CHCHD7: variants seen among roughly 807,000 people sequenced by gnomAD.
CHCHD7 encodes the protein coiled-coil-helix-coiled-coil-helix domain containing 7, also known as coiled-coil-helix-coiled-coil-helix domain-containing protein 7.
CHCHD7 carries 7 observed loss-of-function variants against 10.5 expected under a neutral mutation model. The ratio of observed to expected loss-of-function variants is 0.67; its 90% CI spans 0.38 to 1.25. The LOEUF (loss-of-function observed/expected upper bound fraction) is 1.25, where lower values mean the gene tolerates loss of function less well. CHCHD7 is among the 50% of genes most tolerant of loss of function. The pLI is 0.02. For synonymous variants in CHCHD7, 40 were observed against 36.0 expected, an observed-to-expected ratio of 1.11 and a Z score of -0.40; for missense variants, 100 against 104.5, an observed-to-expected ratio of 0.96 and a Z score of 0.19.
intron 2 of CHCHD7, chr8:56,215,663 G>A (rs940840916): frequency 1.3e-5 from 2 of 152,236 alleles, no homozygotes; most frequent in African/African-American, 2.4e-5. Context: ...TATCTGGCCG[G>A]GTTCCTAACA....
At position 56,214,619 on chromosome 8, in the gene CHCHD7, C is replaced by G; in HGVS notation, c.6C>G (p.Pro2=). M[P]SVTQRLRDPD... ...TCAGTAAGAAGACTGTTAGAATGCC[C>G]TCGGTAACACAGAGGCTGAGAGATC... The change falls in exon 2 of 4, where the codon CCC becomes CCG. Residue 2 remains proline, a synonymous_variant. Coordinates refer to ENST00000355315, the MANE Select transcript of CHCHD7 (RefSeq NM_001011671.3). 1 of 1,612,726 alleles carries G rather than the reference C, an allele frequency of 6.2e-7. No individual in the cohort carries two copies. Among genetic ancestry groups the G allele is most frequent in the Non-Finnish European group, 8.5e-7 (1 of 1,179,032 alleles).
intron 1 of CHCHD7, chr8:56,212,726 C>A: frequency 1.5e-6 from 1 of 667,350 alleles, no homozygotes; most frequent in Non-Finnish European, 2.7e-6. Flanking sequence ...CAGCCCCGCT[C>A]CTCACTGTAA....
chr8:56,216,730 C>T (rs990031002), intron 3 of CHCHD7, 199 bp downstream of exon 3: 18 of 713,482 alleles, frequency 2.5e-5, no homozygotes, highest in Non-Finnish European at 2.0e-5. Flanking sequence ...GTCCTCTAAG[C>T]TATAAGAATG....
rs1284018599 is a variant in CHCHD7, at chr8:56,217,522, C to T, written c.*87C>T. ...GCTGTAATATTTAAGACTGTACACCCCTCACCCAGACAGACCTTAAGTTCT... is the reference window on the plus strand; with the variant it reads ...GCTGTAATATTTAAGACTGTACACCTCTCACCCAGACAGACCTTAAGTTCT... On this transcript the variant is annotated 3_prime_UTR_variant, in exon 4 of 4. Coordinates refer to ENST00000355315, the MANE Select transcript of CHCHD7 (RefSeq NM_001011671.3). The T allele has an allele frequency of 4.9e-6, 4 of 813,324 alleles. No homozygotes were observed. Among genetic ancestry groups the T allele is most frequent in the Non-Finnish European group, 8.0e-6 (4 of 498,506 alleles). The allele number at this position is 813,324 out of a possible 1,614,324, so 50.4% of individuals were successfully genotyped here. A position where few individuals can be genotyped will look rare whatever the true frequency, so the allele number is the denominator to read the frequency against.
intron 1 of CHCHD7, chr8:56,214,047 A>G (rs1209681138): frequency 6.6e-6 from 1 of 152,216 alleles, no homozygotes; most frequent in Non-Finnish European, 1.5e-5. Context: ...AATAAGAGTA[A>G]ACAACAACTG....
chr8:56,212,747 C>T (rs909964536), intron 1 of CHCHD7: 13 of 740,004 alleles, frequency 1.8e-5, no homozygotes, highest in South Asian at 1.6e-5. Flanking sequence ...ATTGACATTT[C>T]CTCTTCAATT....
In CHCHD7 at chr8:56,218,124, G is replaced by A. The variant is rs1006192100; in HGVS notation, c.*689G>A. ...TGTGATTAAAATCCTTAAATATTGG[G>A]TTGCCTTCTGCAGCTGTAGTATCAG... On this transcript the variant is annotated 3_prime_UTR_variant, in exon 4 of 4. Coordinates refer to ENST00000355315, the MANE Select transcript of CHCHD7 (RefSeq NM_001011671.3). 2 of 227,872 alleles carry A rather than the reference G, an allele frequency of 8.8e-6. No individual in the cohort carries two copies. Among genetic ancestry groups the A allele is most frequent in the African/African-American group, 2.2e-5 (1 of 45,038 alleles). 14.1% of individuals were successfully genotyped at this position (227,872 alleles called of 1,614,324 possible). A position where few individuals can be genotyped will look rare whatever the true frequency, so the allele number is the denominator to read the frequency against.
At chr8:56,215,054 G>A in intron 2 of CHCHD7, 1 of 165,208 alleles carries the variant, frequency 6.1e-6, no homozygotes, top group Non-Finnish European at 1.3e-5. Context: ...TGAGAGTAAT[G>A]GGCTGATAAT....
At chr8:56,216,702 CTT>C (rs779999122) in intron 3 of CHCHD7, 171 bp downstream of exon 3, 15 of 758,702 alleles carry the variant, frequency 2.0e-5, no homozygotes, top group Non-Finnish European at 3.2e-5. Flanking sequence ...CTTGAGAGCT[CTT>C]GTTAGCTGCC....
chr8:56,214,507 C>G (rs1007885937), intron 1 of CHCHD7, 91 bp from the exon 2 acceptor site: 1 of 897,122 alleles, frequency 1.1e-6, no homozygotes, highest in African/African-American at 1.7e-5. Context: ...ATGCCAAAAT[C>G]AAAATTTCAG....
In CHCHD7 at chr8:56,217,592, C is replaced by T. The variant is rs535470318; in HGVS notation, c.*157C>T. ...TCACCCCGTGTCCTTTTTGCTTGCTCTCAGTGCCATGCCGATGGTATGTTG... is the reference window on the plus strand; with the variant it reads ...TCACCCCGTGTCCTTTTTGCTTGCTTTCAGTGCCATGCCGATGGTATGTTG... On this transcript the variant is annotated 3_prime_UTR_variant, in exon 4 of 4. Coordinates refer to ENST00000355315, the MANE Select transcript of CHCHD7 (RefSeq NM_001011671.3). The T allele has an allele frequency of 1.9e-6, 1 of 530,910 alleles. No homozygotes were observed. Among genetic ancestry groups the T allele is most frequent in the Non-Finnish European group, 3.4e-6 (1 of 298,250 alleles). 32.9% of individuals were successfully genotyped at this position (530,910 alleles called of 1,614,324 possible). A position where few individuals can be genotyped will look rare whatever the true frequency, so the allele number is the denominator to read the frequency against.
intron 3 of CHCHD7, 99 bp from the exon 4 acceptor site, chr8:56,217,232 C>T: frequency 1.2e-5 from 8 of 650,578 alleles, no homozygotes; most frequent in South Asian, 2.3e-5. Context: ...TTTAGAATTT[C>T]CTTTTTGAGG....
At chr8:56,216,886 G>T in intron 3 of CHCHD7, 1 of 523,336 alleles carries the variant, frequency 1.9e-6, no homozygotes, top group Non-Finnish European at 3.4e-6. Flanking sequence ...TTCAATTTCT[G>T]CCTTTTTCTC....
At chr8:56,214,070 ACTAT>A (rs1323800816) in intron 1 of CHCHD7, 1 of 152,152 alleles carries the variant, frequency 6.6e-6, no homozygotes, top group African/African-American at 2.4e-5. Flanking sequence ...TTATAATTGA[ACTAT>A]CTTTCTTTTT....
chr8:56,214,503 A>G, intron 1 of CHCHD7, 95 bp from the exon 2 acceptor site: 2 of 857,676 alleles, frequency 2.3e-6, no homozygotes, highest in Non-Finnish European at 3.7e-6. Flanking sequence ...CATTATGCCA[A>G]AATCAAAATT....
intron 2 of CHCHD7, 33 bp from the exon 3 acceptor site, chr8:56,216,400 C>T (rs1271428877): frequency 5.6e-6 from 9 of 1,613,414 alleles, no homozygotes; most frequent in Non-Finnish European, 7.6e-6. Context: ...TCCTGTTCTA[C>T]CTTTTAAATG....
At chr8:56,215,376 A>C (rs1002631665) in intron 2 of CHCHD7, 1 of 152,124 alleles carries the variant, frequency 6.6e-6, no homozygotes, top group African/African-American at 2.4e-5. Context: ...TTTCCTTTAG[A>C]TCTGTGTTCC....
At chr8:56,212,847 G>A (rs1813091759) in intron 1 of CHCHD7, 2 of 1,603,308 alleles carry the variant, frequency 1.2e-6, no homozygotes, top group African/African-American at 1.3e-5. Context: ...GGAAGGAAAA[G>A]GAAATGAAAT....
intron 3 of CHCHD7, chr8:56,216,951 T>C (rs949922087): frequency 1.1e-4 from 48 of 448,832 alleles, no homozygotes; most frequent in African/African-American, 9.3e-4. Context: ...AACATTGGTA[T>C]ATAATTTCTG....
Sources: gnomAD v4.1 joint callset for allele counts on GRCh38, gnomAD v4.1.1 for gene constraint, MANE v1.5 for transcripts, NCBI Gene and HGNC (gene_info 2026-07-23, HGNC 2026-07-21) for gene names.